FBXW8: variants seen among roughly 807,000 people sequenced by gnomAD.
The protein encoded by FBXW8 is F-box and WD repeat domain containing 8.
Under a neutral mutation model 65.3 loss-of-function variants are expected in FBXW8, and 57 were observed. The ratio of observed to expected loss-of-function variants is 0.87; its 90% CI spans 0.71 to 1.09. FBXW8 has a LOEUF of 1.09. Ranked by LOEUF, FBXW8 falls within the 50% of genes least tolerant of loss-of-function variation. FBXW8 has a pLI of 0.00. For synonymous variants in FBXW8, 308 were observed against 330.2 expected (o/e 0.93, Z 0.73); for missense variants, 777 against 814.8 (o/e 0.95, Z 0.57).
chr12:117,011,236 C>T (rs1432398535), intron 8 of FBXW8, among the ~76,000 whole-genome samples: 1 of 150,134 alleles, frequency 6.7e-6, no homozygotes, highest in Non-Finnish European at 1.5e-5. Context: ...CTGGGCCCGG[C>T]CCCGGGCTGC....
chr12:117,025,130 G>A (rs758113937), intron 9 of FBXW8, among the ~76,000 whole-genome samples: 9 of 152,316 alleles, frequency 5.9e-5, no homozygotes, highest in Admixed American at 1.3e-4. Flanking sequence ...GAGACCCTGC[G>A]TTTGAGACAG....
rs1434087991 is a variant in FBXW8 at position 117,024,304 on chromosome 12, T to A, written c.1525T>A (p.Trp509Arg). 6.2e-7 allele frequency: 1 copy of A among 1,614,020 alleles called. No individual in the cohort carries two copies. The highest frequency in any genetic ancestry group is 8.5e-7 in the Non-Finnish European group (1 of 1,180,014). The change falls in exon 9 of 11, where the codon TGG becomes AGG. Residue 509 changes from tryptophan (W) to arginine (R), a missense_variant. Physicochemically the swap from Trp to Arg is moderately radical, Grantham distance 101. Transcript: ENST00000652555. ...GGATTATCGGATGAACCAGAAGCTG[T>A]GGGAGGTGTATTCCGGGTAAGGTGC... ...VWDYRMNQKL[W>R]EVYSGHPVQH...
At chr12:116,923,897 T>G (rs1027215455) in intron 1 of FBXW8, among the ~76,000 whole-genome samples, 9 of 152,260 alleles carry the variant, frequency 5.9e-5, no homozygotes, top group African/African-American at 2.2e-4. Context: ...ATTTTTTTAT[T>G]AGAGACGGGG....
chr12:117,009,827 C>T (rs566812247), intron 7 of FBXW8, among the ~76,000 whole-genome samples: 6 of 152,126 alleles, frequency 3.9e-5, no homozygotes, highest in Non-Finnish European at 7.4e-5. Flanking sequence ...TAGTTCAGTC[C>T]GAAGGAAGCA....
chr12:116,930,009 C>T (rs1367730853), intron 2 of FBXW8, among the ~76,000 whole-genome samples: 1 of 152,112 alleles, frequency 6.6e-6, no homozygotes, highest in Admixed American at 6.5e-5. Flanking sequence ...TTGTAAATGA[C>T]ATGATTTCCT....
intron 9 of FBXW8, among the ~76,000 whole-genome samples, chr12:117,025,957 T>C (rs942829265): frequency 6.6e-6 from 1 of 152,176 alleles, no homozygotes; most frequent in Non-Finnish European, 1.5e-5. Flanking sequence ...ACTGCCTCTG[T>C]CCCTGTGCGG....
In FBXW8 at chr12:116,981,650, G is replaced by A. The variant is rs546086534; in HGVS notation, c.836-3556G>A. On this transcript the variant is annotated intron_variant, in intron 5 of 10. Coordinates refer to ENST00000652555, the MANE Select transcript of FBXW8 (RefSeq NM_153348.3). Reference sequence around the variant, plus strand: ...TTTAATTGAGACAGAGTCTCACTCCGTCACCCAGGCTGGAGTGCAGTGGCA... The same window carrying A: ...TTTAATTGAGACAGAGTCTCACTCCATCACCCAGGCTGGAGTGCAGTGGCA... Among the ~76,000 whole-genome samples, 8 of 150,866 alleles carry A rather than the reference G, an allele frequency of 5.3e-5. No individual in the cohort carries two copies. The South Asian group carries it at 1.3e-3, about 24-fold the overall frequency.
chr12:116,947,750 A>AAAAAAAAAAAG, intron 3 of FBXW8, among the ~76,000 whole-genome samples: 1 of 137,658 alleles, frequency 7.3e-6, no homozygotes, highest in Non-Finnish European at 1.5e-5. Flanking sequence ...AAAAAAAAAA[A>AAAAAAAAAAAG]AAAAGAAAAG....
chr12:117,005,490 G>A (rs1953653612), intron 7 of FBXW8, among the ~76,000 whole-genome samples: 1 of 152,208 alleles, frequency 6.6e-6, no homozygotes. Flanking sequence ...ATGCGGTGTG[G>A]TGCTTGGTAA....
At chr12:116,997,429 G>A (rs187472188) in intron 7 of FBXW8, among the ~76,000 whole-genome samples, 2 of 152,332 alleles carry the variant, frequency 1.3e-5, no homozygotes, top group Non-Finnish European at 2.9e-5. Context: ...GACTGAGCAA[G>A]GGTTCTGCAG....
At chr12:116,952,627 A>G (rs1331307897) in intron 4 of FBXW8, among the ~76,000 whole-genome samples, 2 of 152,234 alleles carry the variant, frequency 1.3e-5, no homozygotes, top group African/African-American at 4.8e-5. Context: ...TGTTTCACTG[A>G]AACATTTTTT....
intron 4 of FBXW8, among the ~76,000 whole-genome samples, chr12:116,957,559 G>A (rs1410513539): frequency 6.6e-6 from 1 of 152,202 alleles, no homozygotes; most frequent in African/African-American, 2.4e-5. Context: ...CTTTGAGACT[G>A]TTGAGATAAC....
Position 116,991,994 on chromosome 12 carries a change from A to T in FBXW8, c.1239+3125A>T, listed in dbSNP as rs1275893471. Among the ~76,000 whole-genome samples the T allele has an allele frequency of 3.3e-5, 5 of 152,248 alleles. No individual in the cohort carries two copies. The East Asian group carries it at 7.7e-4, about 24-fold the overall frequency. On this transcript the variant is annotated intron_variant, in intron 7 of 10. Transcript: ENST00000652555. Reference sequence around the variant, plus strand: ...ATTCCTATATCTGGCTAGCCAACCCATTGTGTATTCATCCCAAATACTGAG... The same window carrying T: ...ATTCCTATATCTGGCTAGCCAACCCTTTGTGTATTCATCCCAAATACTGAG...
chr12:116,983,809 C>G (rs1565926126), intron 5 of FBXW8, among the ~76,000 whole-genome samples: 1 of 152,182 alleles, frequency 6.6e-6, no homozygotes, highest in Non-Finnish European at 1.5e-5. Context: ...AAATAAAAGA[C>G]AGAAAGGAAT....
At chr12:117,000,879 A>G (rs1364401455) in intron 7 of FBXW8, among the ~76,000 whole-genome samples, 1 of 152,246 alleles carries the variant, frequency 6.6e-6, no homozygotes, top group Non-Finnish European at 1.5e-5. Flanking sequence ...CAGGAAAGAC[A>G]TTGTGATATG....
intron 6 of FBXW8, chr12:116,987,332 A>G (rs1385940510): frequency 2.0e-5 from 3 of 152,246 alleles, no homozygotes; most frequent in Admixed American, 1.3e-4. Context: ...CTCACCTTCT[A>G]TGTGTCCTCT....
intron 1 of FBXW8, among the ~76,000 whole-genome samples, chr12:116,924,812 T>C (rs1881192347): frequency 6.6e-6 from 1 of 152,214 alleles, no homozygotes; most frequent in Non-Finnish European, 1.5e-5. Flanking sequence ...CCAAATATGC[T>C]CACAACTCTG....
At position 116,964,739 on chromosome 12, in the gene FBXW8, G is replaced by C. The variant is rs780055001; in HGVS notation, c.720G>C (p.Trp240Cys). 4.8e-5 allele frequency: 77 copies of C among 1,613,624 alleles called. No individual in the cohort carries two copies. Among genetic ancestry groups the C allele is most frequent in the Non-Finnish European group, 6.4e-5 (75 of 1,180,022 alleles). ...GDVRVWDTRT[W>C]DYVAPFLESE... ...TGAGAGTGTGGGACACCCGCACCTGGGACTACGTAGCCCCCTTCCTGGAAT... is the reference window on the plus strand; with the variant it reads ...TGAGAGTGTGGGACACCCGCACCTGCGACTACGTAGCCCCCTTCCTGGAAT... Residue 240 changes from tryptophan (W) to cysteine (C), a missense_variant, in exon 5 of 11, where the codon TGG (tryptophan) becomes TGC (cysteine). Trp to Cys is a radical substitution (Grantham distance 215). Transcript: ENST00000652555.
intron 7 of FBXW8, among the ~76,000 whole-genome samples, chr12:116,995,140 A>G (rs1953345120): frequency 6.6e-6 from 1 of 152,224 alleles, no homozygotes; most frequent in Non-Finnish European, 1.5e-5. Flanking sequence ...ACATGACTTC[A>G]TCTAGAATCA....
Sources: allele counts gnomAD v4.1 joint callset (sites outside exome capture counted in the v4.1 genomes callset), GRCh38; gene constraint gnomAD v4.1.1; transcripts MANE v1.5; gene names NCBI Gene and HGNC (gene_info 2026-07-23, HGNC 2026-07-21).